Variants in SHTN1 observed in about 807,000 individuals in gnomAD.
SHTN1 encodes the protein shootin 1.
Under a neutral mutation model 83.1 loss-of-function variants are expected in SHTN1, and 42 were observed. The ratio of observed to expected loss-of-function variants is 0.51; its 90% confidence interval spans 0.39 to 0.65. The LOEUF is 0.65. Among genes scored for constraint, SHTN1 ranks in the 30% least tolerant of loss-of-function variants. The probability of loss-of-function intolerance (pLI) is 0.00; values close to 1 mark genes in which losing one functional copy is unlikely to be tolerated. For missense variants in SHTN1, 622 were observed against 737.8 expected (o/e 0.84, Z 1.82); for synonymous variants, 224 against 247.7 (o/e 0.90, Z 0.90).
chr10:116,951,820 T>C (rs1027900190), intron 6 of SHTN1, 89 bp downstream of exon 6: 5 of 543,820 alleles, frequency 9.2e-6, no homozygotes, highest in Non-Finnish European at 1.6e-5. Flanking sequence ...TGTTAGAAAT[T>C]GGCTTATAAT....
chr10:117,106,911 T>TA (rs1307140092), intron 1 of SHTN1, among the ~76,000 whole-genome samples: 4 of 151,768 alleles, frequency 2.6e-5, no homozygotes, highest in Non-Finnish European at 4.4e-5. Context: ...AACTGTAAAA[T>TA]AAAAAAAATA....
intron 1 of SHTN1, among the ~76,000 whole-genome samples, chr10:117,124,651 T>G (rs1386950340): frequency 6.6e-6 from 1 of 151,762 alleles, no homozygotes; most frequent in East Asian, 1.9e-4. Context: ...TGGGCACCTG[T>G]AATCCCAGCT....
At chr10:116,983,003 A>G (rs1421265256) in intron 1 of SHTN1, among the ~76,000 whole-genome samples, 1 of 152,076 alleles carries the variant, frequency 6.6e-6, no homozygotes, top group Non-Finnish European at 1.5e-5. Flanking sequence ...AATTCTCAGC[A>G]TATGAAAGAT....
intron 11 of SHTN1, among the ~76,000 whole-genome samples, chr10:116,923,823 T>A (rs1848646079): frequency 6.6e-6 from 1 of 152,220 alleles, no homozygotes; most frequent in Non-Finnish European, 1.5e-5. Flanking sequence ...AAGGCTGGGA[T>A]TACAGGCGTG....
At chr10:117,006,547 CAG>C (rs1482556547), upstream of SHTN1, among the ~76,000 whole-genome samples, 1 of 122,598 alleles carries the variant, frequency 8.2e-6, no homozygotes, top group Admixed American at 1.1e-4. Flanking sequence ...GCCTGGGTGA[CAG>C]AGTGAGACTC....
At chr10:117,011,115 G>A (rs1043411281) in intron 2 of SHTN1, among the ~76,000 whole-genome samples, 4 of 152,296 alleles carry the variant, frequency 2.6e-5, no homozygotes, top group East Asian at 1.9e-4. Context: ...AAAGGAGGAC[G>A]TAAAGCTATC....
intron 1 of SHTN1, among the ~76,000 whole-genome samples, chr10:116,997,811 G>A (rs1026218303): frequency 3.3e-5 from 5 of 152,158 alleles, no homozygotes; most frequent in African/African-American, 1.2e-4. Flanking sequence ...AGGGAGTTAG[G>A]GCCAGGCGCG....
At chr10:117,078,388 T>C (rs1031760086) in intron 1 of SHTN1, among the ~76,000 whole-genome samples, 4 of 152,202 alleles carry the variant, frequency 2.6e-5, no homozygotes, top group Non-Finnish European at 4.4e-5. Flanking sequence ...TCCTGGTATG[T>C]AATCTTGTGG....
intron 1 of SHTN1, among the ~76,000 whole-genome samples, chr10:117,117,039 A>C (rs1320871512): frequency 6.6e-6 from 1 of 152,124 alleles, no homozygotes; most frequent in East Asian, 1.9e-4. Flanking sequence ...TCAACATAAC[A>C]CTAGAAGTCC....
At chr10:116,928,804 T>G (rs1848843464) in intron 10 of SHTN1, among the ~76,000 whole-genome samples, 1 of 152,230 alleles carries the variant, frequency 6.6e-6, no homozygotes, top group Non-Finnish European at 1.5e-5. Flanking sequence ...GAATCTGAGT[T>G]CTCTGAAGAC....
chr10:117,051,695 G>C (rs750492654), intron 1 of SHTN1, among the ~76,000 whole-genome samples: 1 of 150,624 alleles, frequency 6.6e-6, no homozygotes, highest in Non-Finnish European at 1.5e-5. Context: ...AAAAGCCTTT[G>C]ACAAAACCCA....
At chr10:117,070,857 C>A (rs1335715899) in intron 1 of SHTN1, among the ~76,000 whole-genome samples, 1 of 151,760 alleles carries the variant, frequency 6.6e-6, no homozygotes, top group East Asian at 1.9e-4. Context: ...AGGGAGAATG[C>A]CACTCAGGGG....
intron 2 of SHTN1, among the ~76,000 whole-genome samples, chr10:117,016,384 G>A (rs767000238): frequency 2.4e-4 from 37 of 152,120 alleles, no homozygotes; most frequent in Non-Finnish European, 5.3e-4. Flanking sequence ...TGTGAAATAT[G>A]TACCATGCTC....
At chr10:117,100,367 A>C (rs1035911872) in intron 1 of SHTN1, among the ~76,000 whole-genome samples, 3 of 152,272 alleles carry the variant, frequency 2.0e-5, no homozygotes, top group South Asian at 4.1e-4. Context: ...TTGTTGCCAC[A>C]GAGACTTATG....
At position 117,029,829 on chromosome 10, in the gene SHTN1, C is replaced by CCTTT. The variant is rs59395168; in HGVS notation, c.-123+18612_-123+18615dup. ...CCTGTGATACCATGAGCCAGTTAAA[C>CCTTT]CTTTCTTTCTTTCTTTCTCTCTCTC... On this transcript the variant is annotated intron_variant, in intron 2 of 17. Coordinates refer to the SHTN1 transcript ENST00000392901. 1.7e-4 allele frequency among the ~76,000 whole-genome samples: 25 copies of CCTTT among 151,396 alleles called. No homozygotes were observed. The South Asian group carries it at 4.6e-3, about 28-fold the overall frequency.
rs544914494 is a variant in SHTN1, at chr10:116,922,435, T to G, written c.1113-919A>C. Among the ~76,000 whole-genome samples, 6 of 152,054 alleles carry G rather than the reference T, an allele frequency of 3.9e-5. No individual in the cohort carries two copies. The South Asian group carries it at 1.3e-3, about 32-fold the overall frequency. ...TAGTAGAGCCAAAAATATATGTATC[T>G]TATGAGCCAGTGATTCCACTGCCAT... On this transcript the variant is annotated intron_variant, in intron 11 of 16. Transcript: ENST00000355371.
intron 1 of SHTN1, among the ~76,000 whole-genome samples, chr10:117,083,597 G>A (rs1382805649): frequency 6.6e-6 from 1 of 151,188 alleles, no homozygotes; most frequent in Non-Finnish European, 1.5e-5. Flanking sequence ...TGCTAGATTG[G>A]GGAAGTTCTC....
intron 14 of SHTN1, among the ~76,000 whole-genome samples, chr10:116,907,253 T>C (rs1252518417): frequency 6.6e-6 from 1 of 152,150 alleles, no homozygotes; most frequent in Non-Finnish European, 1.5e-5. Flanking sequence ...AGGAGGCACA[T>C]AATGCTCTCC....
intron 7 of SHTN1, among the ~76,000 whole-genome samples, chr10:116,948,532 A>G (rs1298032237): frequency 6.6e-6 from 1 of 152,166 alleles, no homozygotes; most frequent in Non-Finnish European, 1.5e-5. Context: ...ATTTCATCAC[A>G]TAATGTTACA....
Sources: gnomAD v4.1 joint callset for allele counts (sites outside exome capture counted in the v4.1 genomes callset) on GRCh38, gnomAD v4.1.1 for gene constraint, MANE v1.5 for transcripts, NCBI Gene and HGNC (gene_info 2026-07-23, HGNC 2026-07-21) for gene names.